The following CLINT1 variants were observed in gnomAD, a reference collection of about 807,000 sequenced individuals.
The protein encoded by CLINT1 is clathrin interacting protein localized in the trans-Golgi region.
A neutral mutation model predicts 70.4 loss-of-function variants in CLINT1; 15 were observed. That is an observed-to-expected ratio of 0.21 (90% CI 0.14 to 0.33). The LOEUF (loss-of-function observed/expected upper bound fraction) is 0.33. Ranked by LOEUF, CLINT1 falls within the 10% of genes least tolerant of loss-of-function variation. The pLI, the probability that CLINT1 is intolerant of heterozygous loss-of-function variation, is 1.00. For synonymous variants in CLINT1, 227 were observed against 254.7 expected (o/e 0.89, Z 1.04); for missense variants, 615 against 778.1 (o/e 0.79, Z 2.49).
chr5:157,801,527 A>T (rs561747608), intron 8 of CLINT1, among the ~76,000 whole-genome samples: 2 of 149,544 alleles, frequency 1.3e-5, no homozygotes, highest in South Asian at 2.1e-4. Flanking sequence ...ATAGAGAAAG[A>T]AAGTAGGTCA....
chr5:157,837,457 C>G lies in CLINT1; in HGVS notation c.42-19910G>C, dbSNP rs541456599. Reference sequence around the variant, plus strand: ...ACACACACATACTGTAACTCATTAACTAAAAGATGTTTATCATCATGTATT... The same window carrying G: ...ACACACACATACTGTAACTCATTAAGTAAAAGATGTTTATCATCATGTATT... On this transcript the variant is annotated intron_variant, in intron 1 of 11. Coordinates refer to ENST00000411809, the MANE Select transcript of CLINT1 (RefSeq NM_014666.4). 3.9e-5 allele frequency among the ~76,000 whole-genome samples: 6 copies of G among 151,974 alleles called. No homozygotes were observed. In the East Asian group the frequency reaches 1.2e-3, roughly 29 times the overall value.
At chr5:157,826,361 T>G (rs1763039150) in intron 1 of CLINT1, among the ~76,000 whole-genome samples, 1 of 152,214 alleles carries the variant, frequency 6.6e-6, no homozygotes, top group Non-Finnish European at 1.5e-5. Flanking sequence ...TTACTGATTC[T>G]ACATAGATTT....
chr5:157,813,019 A>C lies in CLINT1; in HGVS notation c.517+44T>G, dbSNP rs377760916. 8.3e-6 allele frequency: 13 copies of C among 1,575,660 alleles called. No individual in the cohort carries two copies. In the African/African-American group the frequency reaches 1.8e-4, roughly 21 times the overall value. On this transcript the variant is annotated intron_variant, in intron 5 of 11. Transcript: ENST00000411809. The stretch of plus-strand genomic sequence containing the variant: ...CACTGATTCTTAAAATATACTCAAG[A>C]AGCTAAGCTGATGCTTAGGTGTCAG...
At chr5:157,821,893 CTG>C in intron 1 of CLINT1, among the ~76,000 whole-genome samples, 1 of 152,306 alleles carries the variant, frequency 6.6e-6, no homozygotes, top group African/African-American at 2.4e-5. Context: ...GTTTATGAAA[CTG>C]TTTGTTGTTT....
Position 157,791,772 on chromosome 5 carries a change from G to A in CLINT1, c.1311C>T (p.Ser437=). ...MGSSQATMTS[S]QSMNFSMMST... ...TCATCATAGAGAAATTCATACTCTG[G>A]GAAGATGTCATGGTTGCCTGGGACG... is the stretch of plus-strand genomic sequence containing the variant. Residue 437 remains serine (S), a synonymous_variant, in exon 10 of 12, where the codon TCC becomes TCT. Transcript: ENST00000411809. 1 of 1,613,958 alleles carries A rather than the reference G, an allele frequency of 6.2e-7. No homozygotes were observed. The highest frequency in any genetic ancestry group is 8.5e-7 in the Non-Finnish European group (1 of 1,179,864).
In CLINT1 at chr5:157,789,470, G is replaced by A; in HGVS notation, c.1424C>T (p.Ser475Phe). 1 of 1,613,928 alleles carries A rather than the reference G, an allele frequency of 6.2e-7. No individual in the cohort carries two copies. The highest frequency in any genetic ancestry group is 1.1e-5 in the South Asian group (1 of 91,076). Residue 475 changes from serine (S) to phenylalanine (F), a missense_variant, in exon 11 of 12, where the codon TCT becomes TTT. Ser to Phe is a radical substitution (Grantham distance 155). Around this residue, in one of 2 missense-constraint regions of CLINT1, gnomAD observed 374 missense variants for 409.6 expected, o/e 0.91. Coordinates refer to ENST00000411809, the MANE Select transcript of CLINT1 (RefSeq NM_014666.4). ...GTTTACACTGGGGTCAGACCAAGTA[G>A]AGGGCAAGGTTTTGCTGACTGATTT... ...VQKSVSKTLP[S>F]TWSDPSVNIS...
intron 1 of CLINT1, among the ~76,000 whole-genome samples, chr5:157,842,542 CTATT>C (rs1468040748): frequency 1.3e-5 from 2 of 152,194 alleles, no homozygotes; most frequent in Non-Finnish European, 2.9e-5. Context: ...TGGTAACAGA[CTATT>C]TATGACTCTA....
intron 3 of CLINT1, among the ~76,000 whole-genome samples, chr5:157,815,992 T>TA (rs1388712534): frequency 6.6e-6 from 1 of 152,162 alleles, no homozygotes; most frequent in African/African-American, 2.4e-5. Context: ...CAAGAATTTT[T>TA]AAAAAACCAA....
intron 3 of CLINT1, among the ~76,000 whole-genome samples, chr5:157,815,771 G>C (rs1762702515): frequency 6.6e-6 from 1 of 152,190 alleles, no homozygotes; most frequent in South Asian, 2.1e-4. Context: ...ACAACCTATT[G>C]CTCCTTGGCT....
At chr5:157,844,632 A>T (rs1205346191) in intron 1 of CLINT1, among the ~76,000 whole-genome samples, 2 of 152,226 alleles carry the variant, frequency 1.3e-5, no homozygotes, top group Non-Finnish European at 2.9e-5. Context: ...TACATAAGCG[A>T]TTAAAGAACA....
chr5:157,832,494 T>C (rs1763279243), intron 1 of CLINT1, among the ~76,000 whole-genome samples: 1 of 152,162 alleles, frequency 6.6e-6, no homozygotes, highest in Non-Finnish European at 1.5e-5. Flanking sequence ...CCCATTACTT[T>C]CCCACACCTG....
chr5:157,820,012 C>T (rs1303283534), intron 1 of CLINT1, among the ~76,000 whole-genome samples: 1 of 152,000 alleles, frequency 6.6e-6, no homozygotes, highest in Admixed American at 6.5e-5. Context: ...CTAAGAATCT[C>T]CTCATTTCTT....
intron 1 of CLINT1, among the ~76,000 whole-genome samples, chr5:157,836,118 C>T (rs950547836): frequency 4.6e-5 from 7 of 152,160 alleles, no homozygotes; most frequent in Admixed American, 2.6e-4. Flanking sequence ...AAAGCCAAGA[C>T]TGCTTTTTCT....
At chr5:157,854,748 G>C (rs1753688909) in intron 1 of CLINT1, among the ~76,000 whole-genome samples, 1 of 152,140 alleles carries the variant, frequency 6.6e-6, no homozygotes, top group Non-Finnish European at 1.5e-5. Context: ...ATCAACTTAT[G>C]AGGGAAAATG....
At chr5:157,819,246 C>T (rs990416691) in intron 1 of CLINT1, among the ~76,000 whole-genome samples, 1 of 152,124 alleles carries the variant, frequency 6.6e-6, no homozygotes, top group Non-Finnish European at 1.5e-5. Flanking sequence ...ATCAATCTGG[C>T]TTTCAGATTT....
intron 1 of CLINT1, among the ~76,000 whole-genome samples, chr5:157,848,663 C>T (rs147390207): frequency 2.6e-5 from 4 of 152,028 alleles, no homozygotes; most frequent in Non-Finnish European, 4.4e-5. Flanking sequence ...GCCAGAATGC[C>T]GGCTAATTGT....
At chr5:157,855,355 C>G (rs1753725460) in intron 1 of CLINT1, among the ~76,000 whole-genome samples, 1 of 152,046 alleles carries the variant, frequency 6.6e-6, no homozygotes, top group Non-Finnish European at 1.5e-5. Context: ...TATAGGATGA[C>G]AAAATATAAA....
At position 157,794,986 on chromosome 5, in the gene CLINT1, A is replaced by C; in HGVS notation, c.1013-14T>G. ...CAGCTGATCCTCCTAGAAGTTAAGA[A>C]AAAGTTAAAACTGTTAGAACTAGAG... On this transcript the variant is annotated splice_polypyrimidine_tract_variant and intron_variant, in intron 8 of 11. Coordinates refer to ENST00000411809, the MANE Select transcript of CLINT1 (RefSeq NM_014666.4). The C allele has an allele frequency of 6.5e-7, 1 of 1,548,642 alleles. No individual in the cohort carries two copies. The highest frequency in any genetic ancestry group is 8.7e-7 in the Non-Finnish European group (1 of 1,144,234).
At chr5:157,830,693 T>C (rs1285647757) in intron 1 of CLINT1, among the ~76,000 whole-genome samples, 2 of 150,554 alleles carry the variant, frequency 1.3e-5, no homozygotes, top group Non-Finnish European at 3.0e-5. Flanking sequence ...CTGGGCAATA[T>C]AGAGAGACCT....
Sources: allele counts gnomAD v4.1 joint callset (sites outside exome capture counted in the v4.1 genomes callset), GRCh38; gene constraint gnomAD v4.1.1; regional missense constraint gnomAD v4.1.1; transcripts MANE v1.5; gene names NCBI Gene and HGNC (gene_info 2026-07-23, HGNC 2026-07-21).